The following SLC2A13 variants were observed in gnomAD, a reference collection of about 807,000 sequenced individuals.
The protein encoded by SLC2A13 is solute carrier family 2 member 13, also known as proton myo-inositol cotransporter.
SLC2A13 carries 32 observed loss-of-function variants against 64.4 expected under a neutral mutation model. The ratio of observed to expected loss-of-function variants is 0.50; its 90% CI spans 0.37 to 0.67. The LOEUF (loss-of-function observed/expected upper bound fraction) is 0.67. Ranked by LOEUF, SLC2A13 falls within the 30% of genes least tolerant of loss-of-function variation. SLC2A13 has a pLI of 0.00. For missense variants in SLC2A13, 743 were observed against 829.2 expected (o/e 0.90, Z 1.28); for synonymous variants, 338 against 327.1 (o/e 1.03, Z -0.36).
chr12:39,808,409 G>A (rs918586816), intron 7 of SLC2A13, among the ~76,000 whole-genome samples: 1 of 152,066 alleles, frequency 6.6e-6, no homozygotes, highest in South Asian at 2.1e-4. Flanking sequence ...TGCTATAAAC[G>A]ACTGTGTAGA....
At position 40,079,687 on chromosome 12, in the gene SLC2A13, G is replaced by A. The variant is rs543627596; in HGVS notation, c.556+25566C>T. On this transcript the variant is annotated intron_variant, in intron 1 of 9. Coordinates refer to ENST00000280871, the MANE Select transcript of SLC2A13 (RefSeq NM_052885.4). ...TTTCCTGCCTCGATGATCTAACACT[G>A]TCAGTGACATGTTGAAGTCTCCCAT... Among the ~76,000 whole-genome samples, 16 of 152,312 alleles carry A rather than the reference G, an allele frequency of 1.1e-4. No homozygotes were observed. In the East Asian group the frequency reaches 2.9e-3, roughly 28 times the overall value.
At chr12:39,763,701 T>C (rs558391576) in intron 9 of SLC2A13, among the ~76,000 whole-genome samples, 3 of 152,146 alleles carry the variant, frequency 2.0e-5, no homozygotes, top group African/African-American at 7.2e-5. Context: ...CATGGACTTA[T>C]GAGGATATTA....
chr12:40,039,436 A>G (rs1427755927), intron 2 of SLC2A13, among the ~76,000 whole-genome samples: 1 of 152,188 alleles, frequency 6.6e-6, no homozygotes, highest in African/African-American at 2.4e-5. Context: ...CCATTTTGCT[A>G]TTTGCTATTT....
intron 3 of SLC2A13, 104 bp from the exon 4 acceptor site, chr12:39,951,469 A>C: frequency 2.7e-6 from 2 of 736,436 alleles, no homozygotes; most frequent in Non-Finnish European, 4.1e-6. Flanking sequence ...TGAAATCAAC[A>C]TGACTGGGCA....
chr12:40,090,912 A>T (rs1398714811), intron 1 of SLC2A13, among the ~76,000 whole-genome samples: 1 of 152,226 alleles, frequency 6.6e-6, no homozygotes, highest in East Asian at 1.9e-4. Context: ...CTTGGTAAAG[A>T]TGTGCACATG....
chr12:39,950,068 C>A (rs1374707618), intron 4 of SLC2A13: 1 of 152,182 alleles, frequency 6.6e-6, no homozygotes, highest in East Asian at 1.9e-4. Context: ...TGAAGTTCAA[C>A]AGGGATTATG....
At chr12:39,984,106 A>G (rs1946978833) in intron 3 of SLC2A13, among the ~76,000 whole-genome samples, 1 of 150,308 alleles carries the variant, frequency 6.7e-6, no homozygotes, top group African/African-American at 2.5e-5. Context: ...ACATATTCTC[A>G]CTCATAGGTG....
chr12:39,826,883 G>GTTT (rs1942700701), intron 7 of SLC2A13, among the ~76,000 whole-genome samples: 9 of 43,164 alleles, frequency 2.1e-4, no homozygotes, highest in South Asian at 5.5e-4. Context: ...GCAATGCAAG[G>GTTT]TTCTTTATGT....
intron 3 of SLC2A13, among the ~76,000 whole-genome samples, chr12:39,955,010 C>T (rs925901643): frequency 2.0e-5 from 3 of 152,118 alleles, no homozygotes; most frequent in Non-Finnish European, 4.4e-5. Flanking sequence ...ACAAACTTGA[C>T]CTAATAAGTG....
At chr12:39,864,968 C>A in intron 5 of SLC2A13, 86 bp from the exon 6 acceptor site, 2 of 1,253,170 alleles carry the variant, frequency 1.6e-6, no homozygotes, top group Non-Finnish European at 2.2e-6. Context: ...AACCAAAAAA[C>A]AAAGAAACAA....
chr12:39,777,674 A>G (rs1198577568), intron 7 of SLC2A13, among the ~76,000 whole-genome samples: 1 of 152,148 alleles, frequency 6.6e-6, no homozygotes, highest in Admixed American at 6.5e-5. Flanking sequence ...AGAGAAGCAC[A>G]TCAATGGAGG....
chr12:40,015,880 C>G (rs1013422855), intron 3 of SLC2A13, among the ~76,000 whole-genome samples: 1 of 152,088 alleles, frequency 6.6e-6, no homozygotes, highest in Non-Finnish European at 1.5e-5. Flanking sequence ...ATAATAATAA[C>G]GATTTCACAC....
At chr12:39,976,300 G>A (rs569366832) in intron 3 of SLC2A13, among the ~76,000 whole-genome samples, 1 of 152,106 alleles carries the variant, frequency 6.6e-6, no homozygotes, top group African/African-American at 2.4e-5. Context: ...TGTATGGTAG[G>A]CTCCAAGATA....
intron 7 of SLC2A13, among the ~76,000 whole-genome samples, chr12:39,779,212 C>T (rs987603787): frequency 6.6e-6 from 1 of 152,134 alleles, no homozygotes; most frequent in African/African-American, 2.4e-5. Flanking sequence ...GCCATTCAAC[C>T]TCACTGGACC....
chr12:40,079,517 G>A (rs1340491875), intron 1 of SLC2A13, among the ~76,000 whole-genome samples: 1 of 152,160 alleles, frequency 6.6e-6, no homozygotes, highest in Admixed American at 6.5e-5. Flanking sequence ...ATTGCTTTAT[G>A]GCCAAATGTG....
At chr12:40,022,124 TA>T (rs1947729791) in intron 3 of SLC2A13, among the ~76,000 whole-genome samples, 1 of 152,196 alleles carries the variant, frequency 6.6e-6, no homozygotes, top group African/African-American at 2.4e-5. Flanking sequence ...AATCATGTTT[TA>T]AAATGAACTC....
Position 39,830,136 on chromosome 12 carries a change from T to C in SLC2A13, c.1412A>G (p.Asn471Ser), listed in dbSNP as rs1330539207. Residue 471 changes from asparagine (N) to serine (S), a missense_variant, in exon 7 of 10, where the codon AAT (asparagine) becomes AGT (serine). Asn to Ser is a conservative substitution (Grantham distance 46, BLOSUM62 1). Coordinates refer to ENST00000280871, the MANE Select transcript of SLC2A13 (RefSeq NM_052885.4). ...TVIDSSCVPV[N>S]KASTNEAAWG... ...GGCTGCCTCATTTGTAGATGCTTTA[T>C]TAACTGGAACACAGGAGGAGTCAAT... is the stretch of plus-strand genomic sequence containing the variant. 1 of 1,613,750 alleles carries C rather than the reference T, an allele frequency of 6.2e-7. No homozygotes were observed. The highest frequency in any genetic ancestry group is 1.7e-5 in the Admixed American group (1 of 59,928).
At chr12:39,777,793 G>C (rs4511345) in intron 7 of SLC2A13, among the ~76,000 whole-genome samples, 148,028 of 152,286 alleles carry the variant, frequency 0.97, 71,947 homozygotes, top group East Asian at 1. Flanking sequence ...AGTCGGATGA[G>C]AGCCCAGTCC....
chr12:39,823,492 T>C (rs918719558), intron 7 of SLC2A13, among the ~76,000 whole-genome samples: 4 of 152,216 alleles, frequency 2.6e-5, no homozygotes, highest in African/African-American at 9.6e-5. Flanking sequence ...CTATTTGATA[T>C]AGTTTTGTAA....
Sources: gnomAD v4.1 joint callset for allele counts (sites outside exome capture counted in the v4.1 genomes callset) on GRCh38, gnomAD v4.1.1 for gene constraint, MANE v1.5 for transcripts, NCBI Gene and HGNC (gene_info 2026-07-23, HGNC 2026-07-21) for gene names.